Variants in WWOX observed in about 807,000 individuals in gnomAD.
WWOX encodes the protein WW domain containing oxidoreductase.
WWOX carries 69 observed loss-of-function variants against 46.2 expected under a neutral mutation model. The observed-to-expected ratio is 1.49, with a 90% CI of 1.23 to 1.82. The LOEUF (loss-of-function observed/expected upper bound fraction) is 1.82. WWOX is among the 40% of genes most tolerant of loss of function. The pLI, the probability that WWOX is intolerant of heterozygous loss-of-function variation, is 0.00. For synonymous variants in WWOX, 359 were observed against 202.6 expected, an observed-to-expected ratio of 1.77 and a Z score of -6.56; for missense variants, 919 against 542.6, an observed-to-expected ratio of 1.69 and a Z score of -6.89.
chr16:78,817,768 G>C (rs76699372), intron 8 of WWOX, among the ~76,000 whole-genome samples: 1 of 152,254 alleles, frequency 6.6e-6, no homozygotes, highest in Non-Finnish European at 1.5e-5. Flanking sequence ...CCCTGAGATT[G>C]CGCCTCCTCA....
At chr16:78,113,359 C>T (rs2048940134) in intron 3 of WWOX, among the ~76,000 whole-genome samples, 1 of 152,198 alleles carries the variant, frequency 6.6e-6, no homozygotes, top group African/African-American at 2.4e-5. Flanking sequence ...TTAGGATTTG[C>T]AGGGCATATG....
chr16:79,001,131 G>T lies in WWOX; in HGVS notation c.1057-210477G>T, dbSNP rs572022766. On this transcript the variant is annotated intron_variant, in intron 8 of 8. Transcript: ENST00000566780. ...TAATTAAACACATATCCCACATCCA[G>T]GTGCCAGTCAGGGAGCTGCGATTTA... Among the ~76,000 whole-genome samples the T allele has an allele frequency of 3.3e-5, 5 of 152,326 alleles. No homozygotes were observed. In the South Asian group the frequency reaches 1.0e-3, roughly 32 times the overall value.
intron 8 of WWOX, among the ~76,000 whole-genome samples, chr16:79,075,849 C>A (rs1023031720): frequency 6.6e-6 from 1 of 152,044 alleles, no homozygotes; most frequent in Non-Finnish European, 1.5e-5. Flanking sequence ...ATAACTATCT[C>A]AAAAAAACAT....
chr16:78,693,323 A>G (rs917380969), intron 8 of WWOX, among the ~76,000 whole-genome samples: 1 of 152,106 alleles, frequency 6.6e-6, no homozygotes, highest in East Asian at 1.9e-4. Flanking sequence ...GACCCTCTGC[A>G]TATCTCAGAG....
chr16:79,062,660 A>G (rs1439177136), intron 8 of WWOX, among the ~76,000 whole-genome samples: 2 of 152,206 alleles, frequency 1.3e-5, no homozygotes, highest in Admixed American at 6.5e-5. Context: ...AAACCTGAAA[A>G]TAAGAAGTGA....
At chr16:78,724,329 AAG>A (rs1358672299) in intron 8 of WWOX, among the ~76,000 whole-genome samples, 4 of 152,206 alleles carry the variant, frequency 2.6e-5, no homozygotes, top group Non-Finnish European at 4.4e-5. Flanking sequence ...TTGCATAAAA[AAG>A]AGACAGTTTT....
At chr16:78,295,487 G>C (rs1396478722) in intron 5 of WWOX, among the ~76,000 whole-genome samples, 4 of 152,172 alleles carry the variant, frequency 2.6e-5, no homozygotes, top group Non-Finnish European at 5.9e-5. Flanking sequence ...TGAGGTGGGT[G>C]GATCACCTGA....
At chr16:78,374,966 G>A (rs1295164244) in intron 5 of WWOX, among the ~76,000 whole-genome samples, 1 of 152,104 alleles carries the variant, frequency 6.6e-6, no homozygotes, top group Admixed American at 6.5e-5. Flanking sequence ...GATAACAGGC[G>A]TGAGCCACTG....
intron 8 of WWOX, among the ~76,000 whole-genome samples, chr16:78,816,911 T>C (rs2142729894): frequency 6.6e-6 from 1 of 152,262 alleles, no homozygotes; most frequent in South Asian, 2.1e-4. Context: ...ATAGCCAAGA[T>C]TCCATTGCAA....
intron 8 of WWOX, among the ~76,000 whole-genome samples, chr16:78,859,924 C>T (rs1175474522): frequency 6.6e-6 from 1 of 151,852 alleles, no homozygotes; most frequent in Non-Finnish European, 1.5e-5. Context: ...TTTTTGCTTG[C>T]TTGAATGAGA....
intron 8 of WWOX, among the ~76,000 whole-genome samples, chr16:78,669,968 C>G (rs896189411): frequency 1.3e-5 from 2 of 152,152 alleles, no homozygotes; most frequent in Non-Finnish European, 2.9e-5. Flanking sequence ...TGCCTTTTCT[C>G]CCTTCATCCT....
chr16:78,770,667 C>G (rs372971125), intron 8 of WWOX, among the ~76,000 whole-genome samples: 144 of 151,824 alleles, frequency 9.5e-4, no homozygotes, highest in Middle Eastern at 6.8e-3. Flanking sequence ...CCCCTCCCCC[C>G]CTCCCCGAAG....
At position 78,744,157 on chromosome 16, in the gene WWOX, G is replaced by T. The variant is rs532211759; in HGVS notation, c.1056+311405G>T. On this transcript the variant is annotated intron_variant, in intron 8 of 8. Transcript: ENST00000566780. ...ACACAGTAAACAGGCATTTGATACA[G>T]ATCAGAAGGTCCGTAAAGGTGGTAT... Among the ~76,000 whole-genome samples, 18 of 152,262 alleles carry T rather than the reference G, an allele frequency of 1.2e-4. 1 individual carries two copies. The highest frequency in any genetic ancestry group is 9.8e-4 in the Admixed American group (15 of 15,300).
intron 8 of WWOX, chr16:78,898,214 C>T (rs1276497341): frequency 6.6e-6 from 1 of 152,024 alleles, no homozygotes; most frequent in Admixed American, 6.6e-5. Flanking sequence ...GAACCTTTAC[C>T]AATCACCAGG....
At chr16:78,713,757 G>A (rs1404608970) in intron 8 of WWOX, among the ~76,000 whole-genome samples, 10 of 152,164 alleles carry the variant, frequency 6.6e-5, no homozygotes, top group Non-Finnish European at 1.3e-4. Context: ...AGAACTGTGA[G>A]AAAATCAATT....
At chr16:78,974,778 A>AGAATGGGATGTTTAGGGC (rs2046539070) in intron 8 of WWOX, among the ~76,000 whole-genome samples, 1 of 152,166 alleles carries the variant, frequency 6.6e-6, no homozygotes, top group Non-Finnish European at 1.5e-5. Flanking sequence ...TCCACCCTTC[A>AGAATGGGATGTTTAGGGC]GAATGGGATG....
At chr16:78,212,721 G>C (rs917733475) in intron 5 of WWOX, among the ~76,000 whole-genome samples, 18 of 152,308 alleles carry the variant, frequency 1.2e-4, no homozygotes, top group Admixed American at 2.6e-4. Context: ...TGCCTGGTCT[G>C]CCCTTGATAA....
chr16:78,415,641 G>C (rs1387629959), intron 6 of WWOX, among the ~76,000 whole-genome samples: 5 of 152,182 alleles, frequency 3.3e-5, no homozygotes, highest in Non-Finnish European at 1.5e-5. Context: ...GTTTCAGAAA[G>C]ATAGAAAATG....
intron 8 of WWOX, among the ~76,000 whole-genome samples, chr16:78,922,580 T>C (rs1464571243): frequency 1.3e-5 from 2 of 152,192 alleles, no homozygotes; most frequent in East Asian, 3.9e-4. Context: ...GGTTTCACCA[T>C]GTTGCCCAGG....
Sources: allele counts gnomAD v4.1 joint callset (sites outside exome capture counted in the v4.1 genomes callset), GRCh38; gene constraint gnomAD v4.1.1; transcripts MANE v1.5; gene names NCBI Gene and HGNC (gene_info 2026-07-23, HGNC 2026-07-21).